The following PXDNL variants were observed in gnomAD, a reference collection of about 807,000 sequenced individuals.
The protein encoded by PXDNL is peroxidasin like, also known as probable oxidoreductase PXDNL.
PXDNL carries 145 observed loss-of-function variants against 150.8 expected under a neutral mutation model. The ratio of observed to expected loss-of-function variants is 0.96; its 90% CI spans 0.84 to 1.10. PXDNL has a LOEUF of 1.10. Among genes scored for constraint, PXDNL ranks in the 50% least tolerant of loss-of-function variants. The probability of loss-of-function intolerance (pLI) is 0.00; values close to 1 mark genes in which losing one functional copy is unlikely to be tolerated. For synonymous variants in PXDNL, 757 were observed against 725.7 expected, an observed-to-expected ratio of 1.04 and a Z score of -0.69; for missense variants, 2,087 against 1,873.9, an observed-to-expected ratio of 1.11 and a Z score of -2.10.
intron 1 of PXDNL, among the ~76,000 whole-genome samples, chr8:51,761,158 C>A (rs567703471): frequency 1.3e-5 from 2 of 151,506 alleles, no homozygotes; most frequent in South Asian, 2.1e-4. Context: ...CAGGCGTGAG[C>A]CACCGCGGCC....
chr8:51,648,376 C>T (rs1449872949), intron 2 of PXDNL, among the ~76,000 whole-genome samples: 1 of 152,194 alleles, frequency 6.6e-6, no homozygotes, highest in Non-Finnish European at 1.5e-5. Flanking sequence ...AGAGACTCTA[C>T]AGACACTGAA....
rs1467583053 is a variant in PXDNL at position 51,408,452 on chromosome 8, T to C, written c.3172A>G (p.Thr1058Ala). The change falls in exon 17 of 23, where the codon ACA (threonine) becomes GCA (alanine). Residue 1058 changes from threonine to alanine, a missense_variant. By Grantham distance (58) the Thr-to-Ala change is moderately conservative. Transcript: ENST00000356297. ...FATAAFRFGH[T>A]LINPILYRLN... ...CGGTAAAGAATAGGATTGATTAATG[T>C]GTGGCCAAATCTAAAGGCTGCAGTA... 1.9e-6 allele frequency: 3 copies of C among 1,613,872 alleles called. No homozygotes were observed. In the Admixed American group the frequency reaches 5.0e-5, roughly 27 times the overall value.
intron 2 of PXDNL, among the ~76,000 whole-genome samples, chr8:51,640,887 G>T (rs1311327398): frequency 5.3e-5 from 8 of 151,866 alleles, no homozygotes; most frequent in South Asian, 2.1e-4. Context: ...AAAAGAGCCC[G>T]CATCGCCAAG....
intron 2 of PXDNL, among the ~76,000 whole-genome samples, chr8:51,646,164 C>T (rs1814915799): frequency 6.6e-6 from 1 of 152,134 alleles, no homozygotes; most frequent in East Asian, 1.9e-4. Flanking sequence ...GTCTTAAGGA[C>T]ACTGCCCTGA....
Position 51,408,744 on chromosome 8 carries a change from C to G in PXDNL, c.2880G>C (p.Arg960=). 1 of 1,584,290 alleles carries G rather than the reference C, an allele frequency of 6.3e-7. No individual in the cohort carries two copies. The highest frequency in any genetic ancestry group is 8.6e-7 in the Non-Finnish European group (1 of 1,165,368). ...CGGCCAGAGCCAGATGCTCGTTGGC[C>G]CGGTGGTCCCCGGCCAGGAAACAGG... ...ESPCFLAGDH[R]ANEHLALAAM... The change falls in exon 17 of 23, where the codon CGG becomes CGC. Residue 960 remains arginine, a synonymous_variant. Coordinates refer to ENST00000356297, the MANE Select transcript of PXDNL (RefSeq NM_144651.5).
chr8:51,726,919 G>A (rs1816826747), intron 1 of PXDNL, among the ~76,000 whole-genome samples: 1 of 152,138 alleles, frequency 6.6e-6, no homozygotes, highest in Non-Finnish European at 1.5e-5. Context: ...TACAGTTTTA[G>A]TAAGGACTTT....
intron 21 of PXDNL, among the ~76,000 whole-genome samples, chr8:51,332,291 C>T (rs900474148): frequency 1.3e-5 from 2 of 152,260 alleles, no homozygotes; most frequent in East Asian, 1.9e-4. Flanking sequence ...AGTACTACAT[C>T]AAGAGAACAC....
At chr8:51,623,033 A>G (rs189883326) in intron 2 of PXDNL, among the ~76,000 whole-genome samples, 2 of 152,350 alleles carry the variant, frequency 1.3e-5, no homozygotes, top group East Asian at 1.9e-4. Context: ...TAAAGCTTCT[A>G]TTGTTACTTC....
At chr8:51,613,458 C>T (rs529286831) in intron 2 of PXDNL, among the ~76,000 whole-genome samples, 2 of 102,154 alleles carry the variant, frequency 2.0e-5, no homozygotes, top group South Asian at 3.6e-4. Context: ...AAAGAGGATC[C>T]GGGGAAACCT....
chr8:51,472,452 A>G (rs1022937929), intron 7 of PXDNL, 148 bp from the exon 8 acceptor site: 1 of 579,398 alleles, frequency 1.7e-6, no homozygotes, highest in Non-Finnish European at 3.0e-6. Flanking sequence ...TACATGTACC[A>G]GGTTAGAGAT....
chr8:51,323,282 TG>T (rs1805382591), intron 21 of PXDNL, among the ~76,000 whole-genome samples: 1 of 152,150 alleles, frequency 6.6e-6, no homozygotes, highest in Admixed American at 6.5e-5. Context: ...TTGCTTTTTT[TG>T]TTTTGTTTTG....
chr8:51,804,401 GATTT>G (rs1245459484), intron 1 of PXDNL, among the ~76,000 whole-genome samples: 1 of 152,062 alleles, frequency 6.6e-6, no homozygotes, highest in Admixed American at 6.6e-5. Flanking sequence ...GGGGACCCAA[GATTT>G]ATTTTGCTTT....
At chr8:51,471,919 C>T (rs1810345575) in intron 8 of PXDNL, among the ~76,000 whole-genome samples, 1 of 152,114 alleles carries the variant, frequency 6.6e-6, no homozygotes, top group African/African-American at 2.4e-5. Context: ...ATCTCCTGAC[C>T]TTGTGTGTGA....
intron 1 of PXDNL, among the ~76,000 whole-genome samples, chr8:51,762,861 T>C (rs1353611042): frequency 6.6e-6 from 1 of 152,092 alleles, no homozygotes; most frequent in Admixed American, 6.5e-5. Context: ...CCAGAAGCTA[T>C]ATAGATAATC....
chr8:51,738,902 C>T (rs1481992775), intron 1 of PXDNL, among the ~76,000 whole-genome samples: 2 of 143,394 alleles, frequency 1.4e-5, no homozygotes, highest in African/African-American at 4.9e-5. Flanking sequence ...GTCAGTATTA[C>T]TCTGACAACA....
At chr8:51,553,590 T>A (rs1402957430) in intron 4 of PXDNL, among the ~76,000 whole-genome samples, 1 of 152,090 alleles carries the variant, frequency 6.6e-6, no homozygotes, top group Non-Finnish European at 1.5e-5. Flanking sequence ...AAACATGAAA[T>A]GAGTGTGTTA....
At chr8:51,450,544 G>A (rs1397253280) in intron 10 of PXDNL, among the ~76,000 whole-genome samples, 1 of 152,144 alleles carries the variant, frequency 6.6e-6, no homozygotes, top group East Asian at 1.9e-4. Flanking sequence ...CAAGAAACAT[G>A]ATAAAGTAAA....
rs184757536 is a variant in PXDNL, at chr8:51,606,658, C to T, written c.237-13960G>A. ...GTGATTTCTAATTTTCTAGTAGCCA[C>T]ATTTTAAAAAAGTAAAAACAACTGG... On this transcript the variant is annotated intron_variant, in intron 2 of 22. Coordinates refer to ENST00000356297, the MANE Select transcript of PXDNL (RefSeq NM_144651.5). 1.4e-4 allele frequency among the ~76,000 whole-genome samples: 22 copies of T among 151,738 alleles called. 1 individual carries two copies. Among genetic ancestry groups the T allele is most frequent in the Admixed American group, 1.3e-3 (20 of 15,238 alleles).
intron 11 of PXDNL, among the ~76,000 whole-genome samples, chr8:51,448,258 G>A (rs73581421): frequency 0.038 from 5,747 of 152,258 alleles, 338 homozygotes; most frequent in African/African-American, 0.13. Flanking sequence ...GGGGCATAGG[G>A]GGTTAGATCC....
Sources: allele counts gnomAD v4.1 joint callset (sites outside exome capture counted in the v4.1 genomes callset), GRCh38; gene constraint gnomAD v4.1.1; transcripts MANE v1.5; gene names NCBI Gene and HGNC (gene_info 2026-07-23, HGNC 2026-07-21).